Variants in ADK observed in about 807,000 individuals in gnomAD.
ADK encodes the protein N6,N6-dimethyladenosine kinase.
A neutral mutation model predicts 44.7 loss-of-function variants in ADK; 24 were observed. That is an observed-to-expected ratio of 0.54 (90% CI 0.39 to 0.76). ADK has a LOEUF of 0.76. ADK is among the 30% of genes least tolerant of loss of function. The pLI is 0.00. For synonymous variants in ADK, 128 were observed against 142.6 expected (o/e 0.90, Z 0.73); for missense variants, 321 against 425.1 (o/e 0.76, Z 2.15).
At chr10:74,588,715 C>T (rs187151204) in intron 7 of ADK, among the ~76,000 whole-genome samples, 26 of 152,288 alleles carry the variant, frequency 1.7e-4, no homozygotes, top group Admixed American at 1.3e-3. Context: ...CTTGATCCTT[C>T]CATTATAAAG....
intron 3 of ADK, among the ~76,000 whole-genome samples, chr10:74,232,538 A>ACCAC (rs1844806170): frequency 2.1e-5 from 1 of 46,804 alleles, no homozygotes; most frequent in Admixed American, 2.4e-4. Context: ...CAAACAAACA[A>ACCAC]CCCCCCCGCA....
chr10:74,653,232 A>G (rs1854337459), intron 9 of ADK, among the ~76,000 whole-genome samples: 1 of 152,088 alleles, frequency 6.6e-6, no homozygotes, highest in South Asian at 2.1e-4. Context: ...TGGGCAGATC[A>G]CTTGAGGTCA....
intron 1 of ADK, among the ~76,000 whole-genome samples, chr10:74,192,074 C>T (rs1001722059): frequency 2.0e-5 from 3 of 152,016 alleles, no homozygotes; most frequent in Non-Finnish European, 2.9e-5. Context: ...TAGCACAATG[C>T]CTTTGAGATC....
chr10:74,353,607 G>A (rs536059654), intron 4 of ADK, among the ~76,000 whole-genome samples: 64 of 149,008 alleles, frequency 4.3e-4, no homozygotes, highest in Admixed American at 1.5e-3. Flanking sequence ...AGTGGCTCAC[G>A]CCTGTAATCC....
intron 2 of ADK, among the ~76,000 whole-genome samples, chr10:74,206,328 A>G (rs1240205933): frequency 6.6e-6 from 1 of 152,178 alleles, no homozygotes; most frequent in Non-Finnish European, 1.5e-5. Context: ...AAAAGGTGAA[A>G]TGTTTTGTAT....
chr10:74,181,563 G>A lies in ADK; in HGVS notation c.66-19201G>A, dbSNP rs1292389463. Among the ~76,000 whole-genome samples the A allele has an allele frequency of 2.6e-5, 4 of 152,202 alleles. No individual in the cohort carries two copies. In the East Asian group the frequency reaches 7.7e-4, roughly 29 times the overall value. On this transcript the variant is annotated intron_variant, in intron 1 of 10. Coordinates refer to ENST00000539909, the MANE Select transcript of ADK (RefSeq NM_006721.4). ...GTTGGCGCCTGAGTTAAGTTCAGGA[G>A]ACAGAGGAAGATGCAGAATGTCAGG...
At chr10:74,678,600 C>A (rs894513455) in intron 10 of ADK, among the ~76,000 whole-genome samples, 21 of 152,102 alleles carry the variant, frequency 1.4e-4, no homozygotes, top group African/African-American at 5.1e-4. Flanking sequence ...ACAGTCTGAA[C>A]CATGTAGGCT....
At chr10:74,560,541 T>G (rs1160741416) in intron 7 of ADK, among the ~76,000 whole-genome samples, 1 of 152,262 alleles carries the variant, frequency 6.6e-6, no homozygotes, top group East Asian at 1.9e-4. Flanking sequence ...TTCTGAATAT[T>G]GCTGTAAAGT....
chr10:74,684,878 T>C (rs1314817219), intron 10 of ADK, among the ~76,000 whole-genome samples: 1 of 152,236 alleles, frequency 6.6e-6, no homozygotes, highest in Non-Finnish European at 1.5e-5. Flanking sequence ...AAACTGTCAA[T>C]GCCACCCTTA....
chr10:74,515,662 C>T (rs1327727063), intron 6 of ADK, among the ~76,000 whole-genome samples: 1 of 152,142 alleles, frequency 6.6e-6, no homozygotes, highest in Non-Finnish European at 1.5e-5. Context: ...TTCTCAGGTT[C>T]TGATTGCTTG....
chr10:74,520,394 T>C (rs904392467), intron 6 of ADK, among the ~76,000 whole-genome samples: 2 of 152,064 alleles, frequency 1.3e-5, no homozygotes, highest in Admixed American at 1.3e-4. Context: ...GTTTATTTCC[T>C]TTTGAATTAA....
At chr10:74,661,135 A>C (rs2134169569) in intron 9 of ADK, among the ~76,000 whole-genome samples, 1 of 152,322 alleles carries the variant, frequency 6.6e-6, no homozygotes, top group Non-Finnish European at 1.5e-5. Flanking sequence ...ACTTAACCAC[A>C]GTTATACTCC....
chr10:74,269,868 C>T (rs951487254), intron 3 of ADK, among the ~76,000 whole-genome samples: 2 of 152,002 alleles, frequency 1.3e-5, no homozygotes, highest in African/African-American at 2.4e-5. Context: ...CGTGGTGGCA[C>T]GTGCCAGTAG....
At chr10:74,659,879 C>A (rs1854634452) in intron 9 of ADK, among the ~76,000 whole-genome samples, 1 of 152,066 alleles carries the variant, frequency 6.6e-6, no homozygotes, top group African/African-American at 2.4e-5. Context: ...GTCTGCCTTC[C>A]CCAGCCCACT....
chr10:74,247,831 T>C (rs917472537), intron 3 of ADK, among the ~76,000 whole-genome samples: 14 of 152,168 alleles, frequency 9.2e-5, no homozygotes, highest in Non-Finnish European at 1.8e-4. Flanking sequence ...TTTTCCTTTT[T>C]TTCCCCCCTT....
In ADK at chr10:74,214,486, C is replaced by T. The variant is rs1843941944; in HGVS notation, c.141-10052C>T. 2.0e-5 allele frequency among the ~76,000 whole-genome samples: 3 copies of T among 152,140 alleles called. No individual in the cohort carries two copies. In the South Asian group the frequency reaches 6.2e-4, roughly 32 times the overall value. On this transcript the variant is annotated intron_variant, in intron 2 of 10. Transcript: ENST00000539909. The stretch of plus-strand genomic sequence containing the variant: ...AATTCTTGGAAGGCAATTTTAGTTC[C>T]AAGTATTTATAGAATATTTTATTGT...
At chr10:74,167,258 C>T (rs930920715) in intron 1 of ADK, among the ~76,000 whole-genome samples, 1 of 152,210 alleles carries the variant, frequency 6.6e-6, no homozygotes, top group African/African-American at 2.4e-5. Flanking sequence ...CCTCCCGCCT[C>T]AGCCTCCCAA....
At chr10:74,249,396 T>C (rs1845559187) in intron 3 of ADK, among the ~76,000 whole-genome samples, 1 of 152,222 alleles carries the variant, frequency 6.6e-6, no homozygotes, top group Non-Finnish European at 1.5e-5. Context: ...TGTCACTGTG[T>C]CTATGCTTCT....
chr10:74,259,659 A>C (rs959408336), intron 3 of ADK, among the ~76,000 whole-genome samples: 1 of 151,578 alleles, frequency 6.6e-6, no homozygotes, highest in Non-Finnish European at 1.5e-5. Flanking sequence ...GGGTTTCACC[A>C]TGTTAGCCAG....
Sources: allele counts gnomAD v4.1 joint callset (sites outside exome capture counted in the v4.1 genomes callset), GRCh38; gene constraint gnomAD v4.1.1; transcripts MANE v1.5; gene names NCBI Gene and HGNC (gene_info 2026-07-23, HGNC 2026-07-21).